The following SGCZ variants were observed in gnomAD, a reference collection of about 807,000 sequenced individuals.
SGCZ encodes sarcoglycan zeta, also known as zeta-sarcoglycan.
In SGCZ, 40 loss-of-function variants were observed where a neutral mutation model predicts 41.3. That is an observed-to-expected ratio of 0.97 (90% CI 0.75 to 1.26). The LOEUF (loss-of-function observed/expected upper bound fraction) is 1.26, where lower values mean the gene tolerates loss of function less well. SGCZ is among the 50% of genes most tolerant of loss of function. The pLI is 0.00. For missense variants in SGCZ, 552 were observed against 369.8 expected (o/e 1.49, Z -4.04); for synonymous variants, 206 against 137.5 (o/e 1.50, Z -3.49).
chr8:14,408,267 C>T (rs573727351), intron 2 of SGCZ, among the ~76,000 whole-genome samples: 7 of 152,232 alleles, frequency 4.6e-5, no homozygotes, highest in East Asian at 1.9e-4. Flanking sequence ...GCAGAATCAC[C>T]TGTCCAGACT....
At chr8:15,094,087 A>G (rs925338955) in intron 1 of SGCZ, among the ~76,000 whole-genome samples, 5 of 152,122 alleles carry the variant, frequency 3.3e-5, no homozygotes, top group Non-Finnish European at 7.4e-5. Context: ...AAAATAAGAC[A>G]GAGGGATGGA....
intron 1 of SGCZ, among the ~76,000 whole-genome samples, chr8:14,919,773 C>T (rs186937493): frequency 1.3e-5 from 2 of 152,086 alleles, no homozygotes; most frequent in East Asian, 1.9e-4. Flanking sequence ...CAAAAATTAG[C>T]CAGGCATGGT....
At chr8:14,103,321 A>G (rs1261788868) in intron 6 of SGCZ, among the ~76,000 whole-genome samples, 1 of 152,294 alleles carries the variant, frequency 6.6e-6, no homozygotes. Flanking sequence ...AGTGGTAAAA[A>G]GTGCTAGGAT....
intron 6 of SGCZ, among the ~76,000 whole-genome samples, chr8:14,106,236 G>A (rs1260709225): frequency 6.6e-6 from 1 of 152,096 alleles, no homozygotes; most frequent in Non-Finnish European, 1.5e-5. Flanking sequence ...CTGTTCTAAT[G>A]GAATTTACAG....
intron 1 of SGCZ, among the ~76,000 whole-genome samples, chr8:15,203,093 G>C (rs1009407845): frequency 6.6e-6 from 1 of 151,728 alleles, no homozygotes; most frequent in African/African-American, 2.4e-5. Context: ...CTGGGTGACA[G>C]AACAAGACTC....
intron 2 of SGCZ, among the ~76,000 whole-genome samples, chr8:14,430,307 G>C (rs1338656936): frequency 6.6e-6 from 1 of 152,066 alleles, no homozygotes. Flanking sequence ...CAAAATACTA[G>C]CTTCCTGTAT....
intron 1 of SGCZ, among the ~76,000 whole-genome samples, chr8:14,842,095 G>T (rs1802939093): frequency 6.6e-6 from 1 of 152,100 alleles, no homozygotes; most frequent in South Asian, 2.1e-4. Flanking sequence ...AAACAAAACA[G>T]AAACTTTAAT....
chr8:15,223,330 A>C (rs112269560), intron 1 of SGCZ, among the ~76,000 whole-genome samples: 87 of 152,300 alleles, frequency 5.7e-4, no homozygotes, highest in African/African-American at 1.9e-3. Flanking sequence ...AGCTTCCCCA[A>C]TATTTTGGTA....
At chr8:15,098,479 C>A (rs2131077072) in intron 1 of SGCZ, among the ~76,000 whole-genome samples, 1 of 152,284 alleles carries the variant, frequency 6.6e-6, no homozygotes. Flanking sequence ...ACTCATGTCT[C>A]CTAACTCTTT....
chr8:14,395,688 C>G (rs1368438925), intron 2 of SGCZ, among the ~76,000 whole-genome samples: 1 of 152,140 alleles, frequency 6.6e-6, no homozygotes, highest in Non-Finnish European at 1.5e-5. Context: ...ACCCATTTTC[C>G]AAACTTCCTC....
At chr8:14,248,915 G>A (rs889995677) in intron 3 of SGCZ, among the ~76,000 whole-genome samples, 4 of 151,978 alleles carry the variant, frequency 2.6e-5, no homozygotes, top group African/African-American at 9.7e-5. Flanking sequence ...TGACAAATAT[G>A]TTTCTATAAT....
chr8:14,644,646 T>C (rs894025378), intron 1 of SGCZ, among the ~76,000 whole-genome samples: 1 of 151,800 alleles, frequency 6.6e-6, no homozygotes, highest in Admixed American at 6.6e-5. Flanking sequence ...GGGGAATGTG[T>C]TCTTTTTCTG....
chr8:15,153,259 T>A (rs1477625726), intron 1 of SGCZ, among the ~76,000 whole-genome samples: 1 of 148,764 alleles, frequency 6.7e-6, no homozygotes, highest in African/African-American at 2.5e-5. Flanking sequence ...ATAAACAACA[T>A]AAAACTTTTG....
intron 3 of SGCZ, among the ~76,000 whole-genome samples, chr8:14,295,013 C>T (rs546992123): frequency 2.0e-5 from 3 of 152,142 alleles, no homozygotes; most frequent in Admixed American, 6.5e-5. Context: ...ATTTGAAAAA[C>T]ATTTTTTCAA....
chr8:14,860,540 A>C (rs1803694118), intron 1 of SGCZ, among the ~76,000 whole-genome samples: 1 of 151,504 alleles, frequency 6.6e-6, no homozygotes, highest in South Asian at 2.1e-4. Context: ...GAAAGAATGA[A>C]AGAAAGAAAG....
chr8:14,367,537 G>A (rs1241755806), intron 2 of SGCZ, among the ~76,000 whole-genome samples: 2 of 152,040 alleles, frequency 1.3e-5, no homozygotes, highest in Admixed American at 6.6e-5. Context: ...GGGTTTAATG[G>A]ACTCACAGTT....
At chr8:14,806,997 T>G (rs60621043) in intron 1 of SGCZ, among the ~76,000 whole-genome samples, 18,858 of 151,704 alleles carry the variant, frequency 0.12, 1,743 homozygotes, top group African/African-American at 0.25. Flanking sequence ...ATTATCTCAA[T>G]AGATGCAGAA....
chr8:14,685,895 C>T (rs143898681), intron 1 of SGCZ, among the ~76,000 whole-genome samples: 93 of 152,174 alleles, frequency 6.1e-4, no homozygotes, highest in African/African-American at 2.1e-3. Context: ...AGTTTACCAC[C>T]CCAAACCAGT....
intron 6 of SGCZ, among the ~76,000 whole-genome samples, chr8:14,103,750 T>A (rs1802112922): frequency 6.6e-6 from 1 of 152,122 alleles, no homozygotes; most frequent in African/African-American, 2.4e-5. Flanking sequence ...AGGTTTTGAA[T>A]GTGTCTATTT....
Sources: allele counts gnomAD v4.1 joint callset (sites outside exome capture counted in the v4.1 genomes callset), GRCh38; gene constraint gnomAD v4.1.1; transcripts MANE v1.5; gene names NCBI Gene and HGNC (gene_info 2026-07-23, HGNC 2026-07-21).